The following SLC44A5 variants were observed in gnomAD, a reference collection of about 807,000 sequenced individuals.
SLC44A5 encodes the protein choline transporter-like protein 5.
Under a neutral mutation model 101.8 loss-of-function variants are expected in SLC44A5, and 57 were observed. The observed-to-expected ratio is 0.56, with a 90% CI of 0.45 to 0.70. The LOEUF is 0.70. SLC44A5 is among the 30% of genes least tolerant of loss of function. The pLI is 0.00. For synonymous variants in SLC44A5, 281 were observed against 290.9 expected (o/e 0.97, Z 0.35); for missense variants, 737 against 853.1 (o/e 0.86, Z 1.70).
chr1:75,273,061 A>C (rs1371274886), intron 6 of SLC44A5, among the ~76,000 whole-genome samples: 1 of 151,424 alleles, frequency 6.6e-6, no homozygotes. Flanking sequence ...TTCTTTCAGC[A>C]GTGTTTCGTA....
the SLC44A5 span, among the ~76,000 whole-genome samples, chr1:75,682,308 G>T: frequency 5.9e-5 from 9 of 152,178 alleles, no homozygotes; most frequent in African/African-American, 2.2e-4. Context: ...TCAATCCTCA[G>T]CCAAAAGAAC....
chr1:75,318,370 T>A (rs1008599512), intron 4 of SLC44A5, among the ~76,000 whole-genome samples: 25 of 130,664 alleles, frequency 1.9e-4, no homozygotes, highest in Middle Eastern at 7.2e-3. Flanking sequence ...TCCCATCTCT[T>A]GAAAGAAAGA....
At chr1:75,360,055 T>C (rs918096667) in intron 3 of SLC44A5, among the ~76,000 whole-genome samples, 17 of 152,322 alleles carry the variant, frequency 1.1e-4, no homozygotes, top group African/African-American at 4.1e-4. Context: ...CTCTTATGTA[T>C]TTTGGACATA....
At chr1:75,484,998 C>T (rs1475856221) in intron 2 of SLC44A5, among the ~76,000 whole-genome samples, 1 of 152,268 alleles carries the variant, frequency 6.6e-6, no homozygotes, top group African/African-American at 2.4e-5. Context: ...ACCACTTTTT[C>T]CTCCCAGGCC....
intron 1 of SLC44A5, among the ~76,000 whole-genome samples, chr1:75,570,420 A>C (rs530724623): frequency 6.6e-6 from 1 of 152,324 alleles, no homozygotes; most frequent in East Asian, 1.9e-4. Flanking sequence ...AACCTCAGGA[A>C]TGGTGGTAGG....
chr1:75,587,082 G>A (rs745675678), intron 1 of SLC44A5, among the ~76,000 whole-genome samples: 2 of 151,698 alleles, frequency 1.3e-5, no homozygotes, highest in African/African-American at 4.8e-5. Context: ...AACTGAAGAG[G>A]GTCCTAAAAA....
chr1:75,618,471 T>C, the SLC44A5 span, among the ~76,000 whole-genome samples: 1 of 152,226 alleles, frequency 6.6e-6, no homozygotes, highest in Non-Finnish European at 1.5e-5. Context: ...GCAATTAGAA[T>C]GACTGCAGGG....
chr1:75,706,659 T>C, the SLC44A5 span, among the ~76,000 whole-genome samples: 1 of 152,330 alleles, frequency 6.6e-6, no homozygotes, highest in Non-Finnish European at 1.5e-5. Flanking sequence ...TGTATTGTTT[T>C]GCCTTGTGAT....
At chr1:75,448,423 A>G (rs1034554355) in intron 2 of SLC44A5, among the ~76,000 whole-genome samples, 1 of 152,220 alleles carries the variant, frequency 6.6e-6, no homozygotes, top group African/African-American at 2.4e-5. Context: ...TATGTAACTG[A>G]AAGACAACTT....
chr1:75,408,375 AG>A (rs1663044908), intron 2 of SLC44A5, among the ~76,000 whole-genome samples: 1 of 152,224 alleles, frequency 6.6e-6, no homozygotes, highest in Non-Finnish European at 1.5e-5. Context: ...ATATACCCAA[AG>A]GATTACAACT....
the SLC44A5 span, among the ~76,000 whole-genome samples, chr1:75,618,326 G>C: frequency 6.6e-6 from 1 of 152,190 alleles, no homozygotes; most frequent in East Asian, 1.9e-4. Context: ...ATCATCAAAA[G>C]AGGTTTATTC....
intron 3 of SLC44A5, among the ~76,000 whole-genome samples, chr1:75,385,840 CAT>C (rs1037238219): frequency 1.3e-5 from 2 of 151,972 alleles, no homozygotes; most frequent in African/African-American, 4.8e-5. Context: ...TCCAGCAGCA[CAT>C]CCAAAAGCTT....
chr1:75,616,290 C>T, the SLC44A5 span, among the ~76,000 whole-genome samples: 1 of 151,636 alleles, frequency 6.6e-6, no homozygotes, highest in South Asian at 2.1e-4. Flanking sequence ...CAGCCCCCAT[C>T]CAACCGGCTA....
intron 22 of SLC44A5, 118 bp downstream of exon 22, chr1:75,213,587 T>G: frequency 7.9e-6 from 6 of 762,088 alleles, no homozygotes; most frequent in Non-Finnish European, 1.3e-5. Context: ...GGCTGACACC[T>G]TGATCTTGGA....
the SLC44A5 span, among the ~76,000 whole-genome samples, chr1:75,678,118 C>G: frequency 6.6e-6 from 1 of 152,244 alleles, no homozygotes; most frequent in East Asian, 1.9e-4. Context: ...TCCTACCCCA[C>G]GGAGTCTCAC....
At chr1:75,416,818 T>A (rs1663678525) in intron 2 of SLC44A5, among the ~76,000 whole-genome samples, 1 of 152,216 alleles carries the variant, frequency 6.6e-6, no homozygotes, top group Non-Finnish European at 1.5e-5. Flanking sequence ...TGGACTTGCA[T>A]GGGGCCTGTA....
intron 1 of SLC44A5, among the ~76,000 whole-genome samples, chr1:75,549,820 GTATTTC>G (rs1264135153): frequency 6.6e-6 from 1 of 152,094 alleles, no homozygotes; most frequent in Non-Finnish European, 1.5e-5. Context: ...AGTGGAAAAA[GTATTTC>G]AGACAAGGAA....
chr1:75,524,527 A>G (rs1245082398), intron 2 of SLC44A5, among the ~76,000 whole-genome samples: 1 of 152,198 alleles, frequency 6.6e-6, no homozygotes, highest in Non-Finnish European at 1.5e-5. Flanking sequence ...AGGTAACCAT[A>G]CAATTTGTTT....
At chr1:75,722,565 C>G in the SLC44A5 span, among the ~76,000 whole-genome samples, 1 of 152,168 alleles carries the variant, frequency 6.6e-6, no homozygotes, top group African/African-American at 2.4e-5. Context: ...CTGTCAGTAA[C>G]AATATGAACC....
Sources: gnomAD v4.1 joint callset for allele counts (sites outside exome capture counted in the v4.1 genomes callset) on GRCh38, gnomAD v4.1.1 for gene constraint, MANE v1.5 for transcripts, NCBI Gene and HGNC (gene_info 2026-07-23, HGNC 2026-07-21) for gene names.